DDX5: variants seen among roughly 807,000 people sequenced by gnomAD.
DDX5 encodes the protein DEAD-box helicase 5.
DDX5 carries 6 observed loss-of-function variants against 68.6 expected under a neutral mutation model. The observed-to-expected ratio is 0.09, with a 90% CI of 0.05 to 0.17. The LOEUF (loss-of-function observed/expected upper bound fraction) is 0.17. Among genes scored for constraint, DDX5 ranks in the 10% least tolerant of loss-of-function variants. DDX5 has a pLI of 1.00. For synonymous variants in DDX5, 350 were observed against 247.0 expected, an observed-to-expected ratio of 1.42 and a Z score of -3.91; for missense variants, 499 against 756.1, an observed-to-expected ratio of 0.66 and a Z score of 3.99.
In DDX5 at chr17:64,503,294, C is replaced by T; in HGVS notation, c.704G>A (p.Gly235Glu). Reference protein sequence around the residue: ...PGRLIDFLECGKTNLRRTTYL... With the variant: ...PGRLIDFLECEKTNLRRTTYL... ...GGTTGTTCTTCTCAGATTGGTTTTT[C>T]CACACTCTAAAAAGTCAATCAGTCT... The change falls in exon 7 of 13, where the codon GGA (glycine) becomes GAA (glutamate). Residue 235 changes from glycine to glutamate, a missense_variant. Physicochemically the swap from Gly to Glu is moderately conservative, Grantham distance 98. Coordinates refer to ENST00000225792, the MANE Select transcript of DDX5 (RefSeq NM_004396.5). 1 of 1,614,200 alleles carries T rather than the reference C, an allele frequency of 6.2e-7. No individual in the cohort carries two copies. The highest frequency in any genetic ancestry group is 8.5e-7 in the Non-Finnish European group (1 of 1,180,040).
At chr17:64,500,394 A>C (rs911493494) in intron 12 of DDX5, 68 bp from the exon 13 acceptor site, 1 of 1,552,732 alleles carries the variant, frequency 6.4e-7, no homozygotes, top group Middle Eastern at 1.7e-4. Flanking sequence ...ACAGAAAGAA[A>C]CAGATCTATT....
Position 64,504,858 on chromosome 17 carries a change from AC to A in DDX5, c.45-17del. 6.3e-7 allele frequency: 1 copy of A among 1,588,760 alleles called. No homozygotes were observed. Among genetic ancestry groups the A allele is most frequent in the Non-Finnish European group, 8.5e-7 (1 of 1,172,538 alleles). The stretch of plus-strand genomic sequence containing the variant: ...TGCACCAAACCTGGAATGAAAAAAA[AC>A]GTTATTCACATTTTCAAATGGCTAT... On this transcript the variant is annotated splice_polypyrimidine_tract_variant and intron_variant, in intron 1 of 12. Transcript: ENST00000225792.
upstream of DDX5, chr17:64,506,302 C>T (rs1555672693): frequency 5.3e-6 from 8 of 1,514,848 alleles, no homozygotes; most frequent in Non-Finnish European, 5.3e-6. Context: ...CGGCCGCTTT[C>T]CGGCAGCCGC....
rs1351762319 is a variant in DDX5 at position 64,504,747 on chromosome 17, T to A, written c.140A>T (p.Asn47Ile). 1.2e-6 allele frequency: 2 copies of A among 1,614,070 alleles called. No individual in the cohort carries two copies. Among genetic ancestry groups the A allele is most frequent in the Non-Finnish European group, 1.7e-6 (2 of 1,180,044 alleles). The stretch of plus-strand genomic sequence containing the variant: ...CTCAAATTTAGGCAGCTCATCAAGA[T>A]TCCACTTCTTTTTAACTAATTTCTC... ...PGEKLVKKKW[N>I]LDELPKFEKN... Residue 47 changes from asparagine (N) to isoleucine (I), a missense_variant, in exon 2 of 13, where the codon AAT (asparagine) becomes ATT (isoleucine). By Grantham distance (149) the Asn-to-Ile change is moderately radical. Coordinates refer to ENST00000225792, the MANE Select transcript of DDX5 (RefSeq NM_004396.5).
At chr17:64,505,661 C>A (rs782643189) in intron 1 of DDX5, 108 of 1,407,670 alleles carry the variant, frequency 7.7e-5, no homozygotes, top group Admixed American at 1.2e-4. Flanking sequence ...CCCTCCTACC[C>A]CAACAGCACC....
In DDX5 at chr17:64,502,427, G is replaced by C; in HGVS notation, c.1094+12C>G. On this transcript the variant is annotated intron_variant, in intron 9 of 12. Transcript: ENST00000225792. ...TTAATCAATCTGCTTCAATGGAGGAGCTCACACATACCCATCTCTCCTCAT... is the reference window on the plus strand; with the variant it reads ...TTAATCAATCTGCTTCAATGGAGGACCTCACACATACCCATCTCTCCTCAT... 1 of 1,586,652 alleles carries C rather than the reference G, an allele frequency of 6.3e-7. No homozygotes were observed. The highest frequency in any genetic ancestry group is 1.3e-5 in the African/African-American group (1 of 74,424).
At position 64,502,082 on chromosome 17, in the gene DDX5, G is replaced by GCATATA. The variant is rs782282619; in HGVS notation, c.1157-19_1157-14dup. On this transcript the variant is annotated splice_polypyrimidine_tract_variant and intron_variant, in intron 10 of 12. Coordinates refer to ENST00000225792, the MANE Select transcript of DDX5 (RefSeq NM_004396.5). ...CCATGTTTGAATTCTACAAAGGAAG[G>GCATATA]CATATACATGATCAATTATCTGAGC... 17 of 1,613,864 alleles carry GCATATA rather than the reference G, an allele frequency of 1.1e-5. No individual in the cohort carries two copies. In the Admixed American group the frequency reaches 2.8e-4, roughly 27 times the overall value.
chr17:64,502,872 A>T, intron 8 of DDX5, 54 bp downstream of exon 8: 1 of 1,496,044 alleles, frequency 6.7e-7, no homozygotes, highest in South Asian at 1.3e-5. Context: ...ATGATCCCTC[A>T]ATTTTACAGC....
In DDX5 at chr17:64,501,804, C is replaced by A. The variant is rs980938772; in HGVS notation, c.1216+206G>T. 5.0e-6 allele frequency: 3 copies of A among 597,558 alleles called. No homozygotes were observed. In the East Asian group the frequency reaches 8.3e-5, roughly 17 times the overall value. 37.0% of individuals were successfully genotyped at this position (597,558 alleles called of 1,614,324 possible). A position where few individuals can be genotyped will look rare whatever the true frequency, so the allele number is the denominator to read the frequency against. ...CGTTCAGCTTTTTCACCTCTCTAAT[C>A]GACTGGAAGCAGCCAGCCGATCACT... On this transcript the variant is annotated intron_variant, in intron 11 of 12. Transcript: ENST00000225792.
chr17:64,506,264 T>A lies in DDX5; in HGVS notation c.-145A>T. 1 of 1,539,210 alleles carries A rather than the reference T, an allele frequency of 6.5e-7. No individual in the cohort carries two copies. The highest frequency in any genetic ancestry group is 1.2e-5 in the South Asian group (1 of 83,724). On this transcript the variant is annotated 5_prime_UTR_variant, in exon 1 of 13. Coordinates refer to ENST00000225792, the MANE Select transcript of DDX5 (RefSeq NM_004396.5). ...ATGACACCAGCCGAAGCTGCACTAC[T>A]AGAGACCGGTAGAAATGAATGAGGT...
chr17:64,501,996 G>A lies in DDX5; in HGVS notation c.1216+14C>T, dbSNP rs782707842. Reference sequence around the variant, plus strand: ...TTCTGGGAAACCAAGCCATGAATGCGAGTTTGTACTAACCTAGCCCTCTGG... The same window carrying A: ...TTCTGGGAAACCAAGCCATGAATGCAAGTTTGTACTAACCTAGCCCTCTGG... On this transcript the variant is annotated intron_variant, in intron 11 of 12. Transcript: ENST00000225792. 8.7e-6 allele frequency: 14 copies of A among 1,612,658 alleles called. 1 individual carries two copies. The African/African-American group carries it at 9.3e-5, about 11-fold the overall frequency.
chr17:64,504,889 A>G, intron 1 of DDX5, 47 bp from the exon 2 acceptor site: 1 of 1,555,846 alleles, frequency 6.4e-7, no homozygotes, highest in Non-Finnish European at 8.7e-7. Context: ...GGCTATACCC[A>G]GGTTTCTGTA....
At chr17:64,503,778 T>TA in intron 5 of DDX5, 25 bp downstream of exon 5, 1 of 1,602,368 alleles carries the variant, frequency 6.2e-7, no homozygotes, top group Non-Finnish European at 8.5e-7. Flanking sequence ...ATGCTTCTAA[T>TA]AAAAAGTTAA....
At chr17:64,506,683 G>C (rs1246753191), upstream of DDX5, 3 of 374,842 alleles carry the variant, frequency 8.0e-6, no homozygotes, top group Non-Finnish European at 1.5e-5. Flanking sequence ...TACCACCCCG[G>C]ACCACCGAGA....
In DDX5 at chr17:64,503,851, A is replaced by G. The variant is rs782525837; in HGVS notation, c.459T>C (p.Ile153=). 210 of 1,614,138 alleles carry G rather than the reference A, an allele frequency of 1.3e-4. No homozygotes were observed. The highest frequency in any genetic ancestry group is 1.6e-4 in the Non-Finnish European group (193 of 1,180,046). Residue 153 remains isoleucine, a synonymous_variant, in exon 5 of 13, where the codon ATT becomes ATC. Transcript: ENST00000225792. ...GKTLSYLLPA[I]VHINHQPFLE... Reference sequence around the variant, plus strand: ...GGAATGGCTGATGATTGATGTGGACAATGGCAGGAAGCAAATACTATTTAG... The same window carrying G: ...GGAATGGCTGATGATTGATGTGGACGATGGCAGGAAGCAAATACTATTTAG...
chr17:64,503,430 C>A lies in DDX5; in HGVS notation c.649G>T (p.Gly217Cys). The change falls in exon 6 of 13, where the codon GGT becomes TGT. Residue 217 changes from glycine (G) to cysteine (C), a missense_variant and splice_region_variant. Gly to Cys is a radical substitution (Grantham distance 159). Coordinates refer to ENST00000225792, the MANE Select transcript of DDX5 (RefSeq NM_004396.5). Reference protein sequence around the residue: ...KGPQIRDLERGVEICIATPGR... With the variant: ...KGPQIRDLERCVEICIATPGR... ...AAATAAAACCCTTTTCATTACATAC[C>A]TCTCTCCAAATCACGTATTTGTGGT... 2 of 1,614,138 alleles carry A rather than the reference C, an allele frequency of 1.2e-6. No individual in the cohort carries two copies. The highest frequency in any genetic ancestry group is 1.7e-6 in the Non-Finnish European group (2 of 1,180,004).
intron 3 of DDX5, 46 bp downstream of exon 3, chr17:64,504,176 G>C: frequency 1.2e-6 from 2 of 1,612,300 alleles, no homozygotes; most frequent in Non-Finnish European, 1.7e-6. Flanking sequence ...GAGGGGGTAG[G>C]TGGAAACAAA....
Position 64,502,371 on chromosome 17 carries a change from G to A in DDX5, c.1094+68C>T, listed in dbSNP as rs559023447. On this transcript the variant is annotated intron_variant, in intron 9 of 12. Transcript: ENST00000225792. ...CAGATATGAAAAAAATCCACTGCTC[G>A]TGATCCAAGTTTGCCCTTTCCTAAG... 169 of 1,445,932 alleles carry A rather than the reference G, an allele frequency of 1.2e-4. No individual in the cohort carries two copies. In the South Asian group the frequency reaches 1.7e-3, roughly 15 times the overall value. The allele number at this position is 1,445,932 out of a possible 1,614,324, so 89.6% of individuals were successfully genotyped here. A position where few individuals can be genotyped will look rare whatever the true frequency, so the allele number is the denominator to read the frequency against.
At chr17:64,504,640 G>C (rs377483488) in intron 2 of DDX5, 37 bp downstream of exon 2, 2 of 1,558,910 alleles carry the variant, frequency 1.3e-6, no homozygotes, top group Non-Finnish European at 1.7e-6. Flanking sequence ...ATCCACGATC[G>C]AGTTACAGCC....
Sources: gnomAD v4.1 joint callset for allele counts on GRCh38, gnomAD v4.1.1 for gene constraint, MANE v1.5 for transcripts, NCBI Gene and HGNC (gene_info 2026-07-23, HGNC 2026-07-21) for gene names.